The following SEC23A variants were observed in gnomAD, a reference collection of about 807,000 sequenced individuals.
SEC23A encodes the protein SEC23 homolog A, COPII component.
Under a neutral mutation model 103.7 loss-of-function variants are expected in SEC23A, and 56 were observed. That is an observed-to-expected ratio of 0.54 (90% CI 0.44 to 0.67). The LOEUF (loss-of-function observed/expected upper bound fraction) is 0.67. Ranked by LOEUF, SEC23A falls within the 30% of genes least tolerant of loss-of-function variation. The pLI, the probability that SEC23A is intolerant of heterozygous loss-of-function variation, is 0.00. For missense variants in SEC23A, 784 were observed against 936.4 expected (o/e 0.84, Z 2.12); for synonymous variants, 281 against 293.0 (o/e 0.96, Z 0.42).
At chr14:39,077,755 C>A (rs1228009767) in intron 7 of SEC23A, among the ~76,000 whole-genome samples, 2 of 151,566 alleles carry the variant, frequency 1.3e-5, no homozygotes, top group African/African-American at 2.4e-5. Flanking sequence ...CATGGCAAAA[C>A]CCTGTCTCTA....
intron 18 of SEC23A, 79 bp downstream of exon 18, chr14:39,040,653 T>G (rs904796743): frequency 2.6e-6 from 4 of 1,560,498 alleles, no homozygotes; most frequent in Non-Finnish European, 3.5e-6. Context: ...AGCAATCTAT[T>G]AAAATCAGAA....
At chr14:39,066,234 T>A (rs190492070) in intron 10 of SEC23A, among the ~76,000 whole-genome samples, 11 of 152,120 alleles carry the variant, frequency 7.2e-5, no homozygotes, top group Admixed American at 6.5e-4. Flanking sequence ...TCCCTAGGCA[T>A]CTCTGTAATT....
chr14:39,084,114 C>T (rs191864429), intron 7 of SEC23A, among the ~76,000 whole-genome samples: 192 of 151,740 alleles, frequency 1.3e-3, no homozygotes, highest in African/African-American at 4.4e-3. Flanking sequence ...CTCCACCTTC[C>T]GGGTTCAAGC....
At chr14:39,059,190 C>T (rs574505635) in intron 13 of SEC23A, among the ~76,000 whole-genome samples, 120 of 145,116 alleles carry the variant, frequency 8.3e-4, no homozygotes, top group African/African-American at 2.9e-3. Flanking sequence ...AATAGAGTAA[C>T]TTTGTCTTCT....
intron 17 of SEC23A, among the ~76,000 whole-genome samples, chr14:39,041,789 A>G (rs944655757): frequency 7.9e-5 from 12 of 151,050 alleles, no homozygotes; most frequent in African/African-American, 2.9e-4. Flanking sequence ...GAATCGCTGG[A>G]ACCCGGGAGG....
intron 1 of SEC23A, among the ~76,000 whole-genome samples, chr14:39,099,519 G>C (rs139104327): frequency 6.6e-6 from 1 of 152,080 alleles, no homozygotes; most frequent in Non-Finnish European, 1.5e-5. Flanking sequence ...AATATGTAAA[G>C]ATTTTTCTGA....
chr14:39,090,887 C>T, intron 5 of SEC23A: 1 of 266,430 alleles, frequency 3.8e-6, no homozygotes, highest in Non-Finnish European at 7.3e-6. Context: ...ACCTTTCTGG[C>T]CTGATTTGTT....
At chr14:39,094,463 C>A in intron 2 of SEC23A, among the ~76,000 whole-genome samples, 1 of 109,192 alleles carries the variant, frequency 9.2e-6, no homozygotes, top group African/African-American at 3.4e-5. Context: ...TTTTTTTTCC[C>A]CTCCTGTAGA....
At chr14:39,081,202 T>C (rs1212017147) in intron 7 of SEC23A, among the ~76,000 whole-genome samples, 1 of 149,672 alleles carries the variant, frequency 6.7e-6, no homozygotes, top group Non-Finnish European at 1.5e-5. Flanking sequence ...ACAGAGGCTC[T>C]GTTTAAAAAA....
intron 5 of SEC23A, among the ~76,000 whole-genome samples, chr14:39,090,498 G>T (rs911535767): frequency 6.6e-6 from 1 of 152,082 alleles, no homozygotes; most frequent in African/African-American, 2.4e-5. Flanking sequence ...ATTTGTCCCA[G>T]TGATAAAAAC....
chr14:39,060,069 T>C (rs1295397637), intron 13 of SEC23A, among the ~76,000 whole-genome samples: 3 of 151,692 alleles, frequency 2.0e-5, no homozygotes, highest in Middle Eastern at 3.5e-3. Flanking sequence ...CTTAAGCAAA[T>C]GTTCTGAATG....
chr14:39,097,781 T>C (rs2078392970), intron 1 of SEC23A, among the ~76,000 whole-genome samples: 1 of 152,108 alleles, frequency 6.6e-6, no homozygotes, highest in Non-Finnish European at 1.5e-5. Context: ...AAGACTAAAC[T>C]TGTTTAGAAA....
intron 14 of SEC23A, among the ~76,000 whole-genome samples, chr14:39,051,768 G>A (rs1051034521): frequency 2.0e-5 from 3 of 151,918 alleles, no homozygotes; most frequent in Admixed American, 1.3e-4. Flanking sequence ...TTCGAGACCA[G>A]CCTGACCAAC....
intron 17 of SEC23A, among the ~76,000 whole-genome samples, chr14:39,042,550 C>T (rs923345461): frequency 6.6e-6 from 1 of 152,222 alleles, no homozygotes; most frequent in African/African-American, 2.4e-5. Context: ...ACTTTCACAA[C>T]ACTGTGCTTT....
In SEC23A at chr14:39,039,044, T is replaced by C; in HGVS notation, c.2195A>G (p.Tyr732Cys). ...VNPSQTHNNMYAWGQESGAPI... is the reference protein window; with the variant it reads ...VNPSQTHNNMCAWGQESGAPI... ...ATTTAAACTTACCTGCCCCCAGGCA[T>C]ACATATTATTATGAGTCTGTGAAGG... Residue 732 changes from tyrosine to cysteine, a missense_variant, in exon 19 of 20, where the codon TAT becomes TGT. Coordinates refer to ENST00000307712, the MANE Select transcript of SEC23A (RefSeq NM_006364.4). 1.2e-6 allele frequency: 2 copies of C among 1,613,194 alleles called. No homozygotes were observed. The highest frequency in any genetic ancestry group is 1.7e-6 in the Non-Finnish European group (2 of 1,179,272).
intron 15 of SEC23A, chr14:39,047,503 A>C: frequency 1.3e-6 from 1 of 762,356 alleles, no homozygotes; most frequent in Non-Finnish European, 1.8e-6. Context: ...AACAAAAACA[A>C]CAACAACAAA....
chr14:39,085,442 T>C (rs1370741597), intron 7 of SEC23A, among the ~76,000 whole-genome samples: 1 of 152,170 alleles, frequency 6.6e-6, no homozygotes, highest in Non-Finnish European at 1.5e-5. Context: ...GACAACCTAC[T>C]ATGTGACTGG....
At chr14:39,062,723 T>TA (rs1046054357) in intron 12 of SEC23A, among the ~76,000 whole-genome samples, 2 of 151,424 alleles carry the variant, frequency 1.3e-5, no homozygotes, top group African/African-American at 2.4e-5. Context: ...TTTTAATGTT[T>TA]AAAAAAAAAC....
chr14:39,076,265 T>A (rs1018951105), intron 7 of SEC23A, among the ~76,000 whole-genome samples, 172 bp from the exon 8 acceptor site: 3 of 152,170 alleles, frequency 2.0e-5, no homozygotes, highest in African/African-American at 7.2e-5. Flanking sequence ...CAACTTTCTT[T>A]TAAAATCCTA....
Sources: allele counts gnomAD v4.1 joint callset (sites outside exome capture counted in the v4.1 genomes callset), GRCh38; gene constraint gnomAD v4.1.1; transcripts MANE v1.5; gene names NCBI Gene and HGNC (gene_info 2026-07-23, HGNC 2026-07-21).